The following ARL5A variants were observed in gnomAD, a reference collection of about 807,000 sequenced individuals.
ARL5A encodes ARF like GTPase 5A.
A neutral mutation model predicts 25.9 loss-of-function variants in ARL5A; 18 were observed. That is an observed-to-expected ratio of 0.69 (90% CI 0.48 to 1.03). The LOEUF (loss-of-function observed/expected upper bound fraction) is 1.03. Ranked by LOEUF, ARL5A falls within the 50% of genes least tolerant of loss-of-function variation. The probability of loss-of-function intolerance (pLI) is 0.00; values close to 1 mark genes in which losing one functional copy is unlikely to be tolerated. For synonymous variants in ARL5A, 61 were observed against 67.5 expected (o/e 0.90, Z 0.47); for missense variants, 170 against 211.9 (o/e 0.80, Z 1.23).
chr2:151,815,817 T>C (rs1175971955), intron 1 of ARL5A, among the ~76,000 whole-genome samples: 1 of 152,208 alleles, frequency 6.6e-6, no homozygotes, highest in Non-Finnish European at 1.5e-5. Context: ...TTATTTTTTT[T>C]CAATGACTCC....
At chr2:151,803,900 T>C (rs1020396175) in intron 5 of ARL5A, among the ~76,000 whole-genome samples, 1 of 152,146 alleles carries the variant, frequency 6.6e-6, no homozygotes, top group Admixed American at 6.6e-5. Context: ...AAACATAGAC[T>C]TACATACAAA....
intron 1 of ARL5A, among the ~76,000 whole-genome samples, chr2:151,825,599 C>T (rs541882230): frequency 6.6e-6 from 1 of 152,272 alleles, no homozygotes; most frequent in South Asian, 2.1e-4. Context: ...AAATAGCTTT[C>T]ACTGTGCACT....
chr2:151,806,305 TTTTG>T (rs1276181172), intron 5 of ARL5A, among the ~76,000 whole-genome samples: 5 of 152,298 alleles, frequency 3.3e-5, no homozygotes, highest in Non-Finnish European at 5.9e-5. Context: ...CCAATCCTTC[TTTTG>T]TTTAAGTGCA....
intron 1 of ARL5A, among the ~76,000 whole-genome samples, chr2:151,822,121 T>C (rs2099832421): frequency 6.6e-6 from 1 of 152,178 alleles, no homozygotes; most frequent in African/African-American, 2.4e-5. Flanking sequence ...GTGCTGGGAT[T>C]ACAGGTGTGA....
chr2:151,799,612 A>G lies in ARL5A; in HGVS notation c.*3664T>C, dbSNP rs2099829148. The G allele has an allele frequency of 6.6e-6, 1 of 152,230 alleles. No individual in the cohort carries two copies. The highest frequency in any genetic ancestry group is 6.5e-5 in the Admixed American group (1 of 15,284). The allele number at this position is 152,230 out of a possible 1,614,324, so 9.4% of individuals were successfully genotyped here. ...CTTCCCAACATGTGAAGTTAAATTAAGAAGCATGAAAATGTTAAATATAAT... is the reference window on the plus strand; with the variant it reads ...CTTCCCAACATGTGAAGTTAAATTAGGAAGCATGAAAATGTTAAATATAAT... On this transcript the variant is annotated 3_prime_UTR_variant, in exon 6 of 6. Coordinates refer to ENST00000295087, the MANE Select transcript of ARL5A (RefSeq NM_012097.4).
chr2:151,810,229 C>A (rs1360317904), intron 4 of ARL5A: 1 of 152,574 alleles, frequency 6.6e-6, no homozygotes, highest in Non-Finnish European at 1.5e-5. Context: ...TATGATAAAA[C>A]TTTGAAAATT....
At chr2:151,812,034 A>T (rs116065742) in intron 4 of ARL5A, among the ~76,000 whole-genome samples, 1 of 152,204 alleles carries the variant, frequency 6.6e-6, no homozygotes, top group Non-Finnish European at 1.5e-5. Flanking sequence ...CTCATTTCCA[A>T]TGATAATCCT....
At position 151,812,434 on chromosome 2, in the gene ARL5A, T is replaced by C. The variant is rs764155367; in HGVS notation, c.262A>G (p.Ile88Val). 9 of 1,573,410 alleles carry C rather than the reference T, an allele frequency of 5.7e-6. No individual in the cohort carries two copies. The highest frequency in any genetic ancestry group is 2.3e-5 in the East Asian group (1 of 44,076). ...CTGTCTGTACTGTCCACAACAACTATTACAAACTAAAATAATTACAAAAAA... is the reference window on the plus strand; with the variant it reads ...CTGTCTGTACTGTCCACAACAACTACTACAAACTAAAATAATTACAAAAAA... ...NTYYTNTEFV[I>V]VVVDSTDRER... The change falls in exon 4 of 6, where the codon ATA becomes GTA. Residue 88 changes from isoleucine (I) to valine (V), a missense_variant. Transcript: ENST00000295087.
chr2:151,823,292 G>A (rs775861568), intron 1 of ARL5A, among the ~76,000 whole-genome samples: 25 of 152,210 alleles, frequency 1.6e-4, no homozygotes, highest in Non-Finnish European at 2.4e-4. Flanking sequence ...TGCTTAAGTC[G>A]TTTTGTATTA....
chr2:151,806,715 C>A, intron 5 of ARL5A, 106 bp downstream of exon 5: 1 of 1,167,484 alleles, frequency 8.6e-7, no homozygotes, highest in South Asian at 1.7e-5. Context: ...CTGTCCCTTA[C>A]GATGTTTTAT....
At chr2:151,815,080 T>C in intron 2 of ARL5A, 59 bp downstream of exon 2, 2 of 1,310,384 alleles carry the variant, frequency 1.5e-6, no homozygotes, top group Admixed American at 3.9e-5. Context: ...TGATCGACTA[T>C]CACCCAGGCC....
At position 151,801,028 on chromosome 2, in the gene ARL5A, T is replaced by C. The variant is rs911143803; in HGVS notation, c.*2248A>G. 5.2e-5 allele frequency: 8 copies of C among 152,650 alleles called. No homozygotes were observed. The highest frequency in any genetic ancestry group is 1.9e-4 in the African/African-American group (8 of 41,470). The allele number at this position is 152,650 out of a possible 1,614,324, so 9.5% of individuals were successfully genotyped here. On this transcript the variant is annotated 3_prime_UTR_variant, in exon 6 of 6. Transcript: ENST00000295087. ...TTATTTGAAAATAATACTTTTAAAA[T>C]GATTTTGACATTTTCATATATAAAT...
In ARL5A at chr2:151,828,217, C is replaced by G. The variant is rs1324505038; in HGVS notation, c.-41G>C. The G allele has an allele frequency of 1.3e-6, 2 of 1,592,196 alleles. No homozygotes were observed. The highest frequency in any genetic ancestry group is 2.2e-5 in the South Asian group (2 of 90,040). On this transcript the variant is annotated 5_prime_UTR_variant, in exon 1 of 6. Coordinates refer to ENST00000295087, the MANE Select transcript of ARL5A (RefSeq NM_012097.4). ...CCCCCCCCTCCAGACACCCGGGCCG[C>G]CTGGCTTCCCCCGGCTCAGGCTGAG...
intron 1 of ARL5A, among the ~76,000 whole-genome samples, chr2:151,826,729 T>G (rs1260124187): frequency 3.9e-5 from 6 of 152,250 alleles, no homozygotes; most frequent in Non-Finnish European, 8.8e-5. Context: ...CACAGATCCC[T>G]GGTGTTCTAG....
intron 1 of ARL5A, chr2:151,827,804 AAGAC>A (rs1452728116): frequency 2.5e-5 from 9 of 360,050 alleles, no homozygotes; most frequent in African/African-American, 1.3e-4. Flanking sequence ...AAAGGGCTGA[AAGAC>A]AGGCCAGGCC....
intron 1 of ARL5A, among the ~76,000 whole-genome samples, chr2:151,822,539 T>C (rs2099832483): frequency 6.6e-6 from 1 of 152,230 alleles, no homozygotes; most frequent in Non-Finnish European, 1.5e-5. Flanking sequence ...TGGAAAAGCA[T>C]CTATACAAAA....
rs558448262 is a variant in ARL5A at position 151,799,400 on chromosome 2, G to A, written c.*3876C>T. ...GGCAATAGTTTCAAGAATGCCCTTA[G>A]ATTATAGACTACATATAAATTTGGT... On this transcript the variant is annotated 3_prime_UTR_variant, in exon 6 of 6. Transcript: ENST00000295087. 1 of 152,066 alleles carries A rather than the reference G, an allele frequency of 6.6e-6. No homozygotes were observed. Among genetic ancestry groups the A allele is most frequent in the East Asian group, 1.9e-4 (1 of 5,188 alleles). The allele number at this position is 152,066 out of a possible 1,614,324, so 9.4% of individuals were successfully genotyped here. A position where few individuals can be genotyped will look rare whatever the true frequency, so the allele number is the denominator to read the frequency against.
rs2099830173 is a variant in ARL5A, at chr2:151,806,873, T to C, written c.439A>G (p.Ile147Val). The C allele has an allele frequency of 3.7e-6, 6 of 1,613,522 alleles. No homozygotes were observed. In the African/African-American group the frequency reaches 4.0e-5, roughly 11 times the overall value. The change falls in exon 5 of 6, where the codon ATT (isoleucine) becomes GTT (valine). Residue 147 changes from isoleucine (I) to valine (V), a missense_variant. Transcript: ENST00000295087. ...EISQFLKLTS[I>V]KDHQWHIQAC... ...TGGATATGCCACTGGTGATCTTTAA[T>C]AGAAGTTAGCTTCAAAAACTGGGAG... is the stretch of plus-strand genomic sequence containing the variant.
chr2:151,817,544 T>C (rs1027822495), intron 1 of ARL5A, among the ~76,000 whole-genome samples: 1 of 152,234 alleles, frequency 6.6e-6, no homozygotes, highest in Non-Finnish European at 1.5e-5. Context: ...GCACCTCCTA[T>C]TATACAAAAA....
Sources: allele counts gnomAD v4.1 joint callset (sites outside exome capture counted in the v4.1 genomes callset), GRCh38; gene constraint gnomAD v4.1.1; transcripts MANE v1.5; gene names NCBI Gene and HGNC (gene_info 2026-07-23, HGNC 2026-07-21).